TRDN: variants seen among roughly 807,000 people sequenced by gnomAD.
TRDN encodes triadin in skeletal muscle.
In TRDN, 161 loss-of-function variants were observed where a neutral mutation model predicts 149.7. The observed-to-expected ratio is 1.08, with a 90% CI of 0.95 to 1.23. The LOEUF (loss-of-function observed/expected upper bound fraction) is 1.23, where lower values mean the gene tolerates loss of function less well. Among genes scored for constraint, TRDN ranks in the 50% most tolerant of loss-of-function variants. TRDN has a pLI of 0.00. For synonymous variants in TRDN, 294 were observed against 250.5 expected (o/e 1.17, Z -1.64); for missense variants, 896 against 823.5 (o/e 1.09, Z -1.08).
chr6:123,622,403 G>A (rs921554883), intron 1 of TRDN, among the ~76,000 whole-genome samples: 9 of 151,536 alleles, frequency 5.9e-5, no homozygotes, highest in African/African-American at 2.2e-4. Flanking sequence ...AATGTTTTTG[G>A]TAAAGCCTCT....
intron 1 of TRDN, among the ~76,000 whole-genome samples, chr6:123,583,488 G>A (rs1783243083): frequency 6.6e-6 from 1 of 151,742 alleles, no homozygotes; most frequent in Non-Finnish European, 1.5e-5. Flanking sequence ...TGAGCTTGGT[G>A]AGGTGTGTTT....
At chr6:123,458,811 G>A (rs1015821558) in intron 10 of TRDN, among the ~76,000 whole-genome samples, 36 of 151,848 alleles carry the variant, frequency 2.4e-4, no homozygotes, top group African/African-American at 8.2e-4. Flanking sequence ...GAGATCATTT[G>A]CTCTTTAGGA....
At chr6:123,391,282 A>G (rs796701892) in intron 13 of TRDN, among the ~76,000 whole-genome samples, 19 of 152,168 alleles carry the variant, frequency 1.2e-4, no homozygotes, top group African/African-American at 4.6e-4. Flanking sequence ...TTTTCCCTTC[A>G]GCTAGTTTCT....
chr6:123,456,494 G>C (rs1215287310), intron 10 of TRDN, among the ~76,000 whole-genome samples: 1 of 151,122 alleles, frequency 6.6e-6, no homozygotes, highest in Non-Finnish European at 1.5e-5. Flanking sequence ...TTTGAGACAG[G>C]GCCTCACTTT....
chr6:123,291,317 C>G (rs980844499), intron 24 of TRDN, among the ~76,000 whole-genome samples: 5 of 151,948 alleles, frequency 3.3e-5, no homozygotes, highest in Non-Finnish European at 7.4e-5. Flanking sequence ...GTAAGCCCAG[C>G]ACTTTGGAAG....
At chr6:123,296,377 C>A (rs1778197711) in intron 24 of TRDN, among the ~76,000 whole-genome samples, 1 of 152,034 alleles carries the variant, frequency 6.6e-6, no homozygotes, top group African/African-American at 2.4e-5. Context: ...AACTTTCTAC[C>A]ACATATATTC....
Position 123,352,674 on chromosome 6 carries a change from C to T in TRDN, c.1322-88G>A, listed in dbSNP as rs556643140. 21 of 1,478,420 alleles carry T rather than the reference C, an allele frequency of 1.4e-5. No individual in the cohort carries two copies. In the Admixed American group the frequency reaches 2.1e-4, roughly 15 times the overall value. The allele number at this position is 1,478,420 out of a possible 1,614,324, so 91.6% of individuals were successfully genotyped here. A position where few individuals can be genotyped will look rare whatever the true frequency, so the allele number is the denominator to read the frequency against. ...AAAGCATTTTGGAGTTCTTTCAATG[C>T]TAAATCTTTCTTTTACACAAGTTAT... On this transcript the variant is annotated intron_variant, in intron 20 of 40. Transcript: ENST00000334268.
chr6:123,422,922 T>C (rs1383121247), intron 12 of TRDN, among the ~76,000 whole-genome samples: 4 of 152,116 alleles, frequency 2.6e-5, no homozygotes, highest in Non-Finnish European at 4.4e-5. Flanking sequence ...CAAGGGGCTA[T>C]TAGGAAAAAA....
chr6:123,263,256 G>A (rs1426594487), intron 33 of TRDN, among the ~76,000 whole-genome samples: 2 of 152,032 alleles, frequency 1.3e-5, no homozygotes, highest in East Asian at 1.9e-4. Flanking sequence ...CAGCTACAAC[G>A]TTCCCTAAGC....
chr6:123,315,725 C>T (rs1479529625), intron 24 of TRDN, among the ~76,000 whole-genome samples: 1 of 151,750 alleles, frequency 6.6e-6, no homozygotes, highest in African/African-American at 2.4e-5. Flanking sequence ...TTAGGATAAG[C>T]CATAGAAAGA....
chr6:123,352,515 T>G lies in TRDN; in HGVS notation c.1369+24A>C, dbSNP rs754844305. 6 of 1,609,602 alleles carry G rather than the reference T, an allele frequency of 3.7e-6. No individual in the cohort carries two copies. In the South Asian group the frequency reaches 6.6e-5, roughly 18 times the overall value. ...TGTTGTCTTTCTAAAGAAGATAATG[T>G]CAACCTCCTTCATTTTTTTTTACCT... On this transcript the variant is annotated intron_variant, in intron 21 of 40. Transcript: ENST00000334268.
At chr6:123,432,561 G>A (rs983219731) in intron 12 of TRDN, among the ~76,000 whole-genome samples, 6 of 151,580 alleles carry the variant, frequency 4.0e-5, no homozygotes, top group East Asian at 1.9e-4. Context: ...TATGTACATC[G>A]GGCACTAGAT....
chr6:123,589,713 C>G (rs577873714), intron 1 of TRDN, among the ~76,000 whole-genome samples: 17 of 152,274 alleles, frequency 1.1e-4, no homozygotes, highest in African/African-American at 3.9e-4. Context: ...CAGTCCCCCT[C>G]CTTCAAAGGC....
At chr6:123,549,697 T>G (rs1028659247) in intron 2 of TRDN, among the ~76,000 whole-genome samples, 1 of 152,018 alleles carries the variant, frequency 6.6e-6, no homozygotes, top group Non-Finnish European at 1.5e-5. Flanking sequence ...GGTGCCAGGC[T>G]GGGAACAGGG....
intron 1 of TRDN, among the ~76,000 whole-genome samples, chr6:123,583,332 G>A (rs961487204): frequency 6.6e-6 from 1 of 152,068 alleles, no homozygotes; most frequent in Non-Finnish European, 1.5e-5. Context: ...AAGTTCTGGT[G>A]TCTGGAATGA....
intron 12 of TRDN, among the ~76,000 whole-genome samples, chr6:123,409,690 T>TACACACACACAC (rs5879677): frequency 6.7e-5 from 10 of 149,412 alleles, no homozygotes; most frequent in African/African-American, 2.0e-4. Context: ...TAATGTAATT[T>TACACACACACAC]ACACACACAC....
chr6:123,467,185 A>G (rs930255365), intron 9 of TRDN, among the ~76,000 whole-genome samples: 7 of 152,200 alleles, frequency 4.6e-5, no homozygotes, highest in East Asian at 1.9e-4. Flanking sequence ...GTGTTGAAGG[A>G]AAATCGTATA....
chr6:123,399,344 C>T (rs1402593023), intron 12 of TRDN, among the ~76,000 whole-genome samples: 2 of 152,162 alleles, frequency 1.3e-5, no homozygotes, highest in African/African-American at 2.4e-5. Flanking sequence ...TGACAAGTTT[C>T]TTAAGTAATC....
At chr6:123,612,797 G>T (rs368010569) in intron 1 of TRDN, among the ~76,000 whole-genome samples, 22 of 152,156 alleles carry the variant, frequency 1.4e-4, no homozygotes, top group Non-Finnish European at 2.8e-4. Flanking sequence ...CTATAGGGTA[G>T]ATATTAATTT....
Sources: allele counts gnomAD v4.1 joint callset (sites outside exome capture counted in the v4.1 genomes callset), GRCh38; gene constraint gnomAD v4.1.1; transcripts MANE v1.5; gene names NCBI Gene and HGNC (gene_info 2026-07-23, HGNC 2026-07-21).